The following PRMT8 variants were observed in gnomAD, a reference collection of about 807,000 sequenced individuals.
PRMT8 encodes the protein protein arginine N-methyltransferase 8.
A neutral mutation model predicts 47.1 loss-of-function variants in PRMT8; 7 were observed. The observed-to-expected ratio is 0.15, with a 90% CI of 0.08 to 0.28. PRMT8 has a LOEUF of 0.28. Ranked by LOEUF, PRMT8 falls within the 10% of genes least tolerant of loss-of-function variation. The pLI is 1.00. For missense variants in PRMT8, 237 were observed against 505.4 expected (o/e 0.47, Z 5.09); for synonymous variants, 188 against 186.5 (o/e 1.01, Z -0.07).
At chr12:3,434,621 C>G (rs1224180849) in intron 1 of PRMT8, among the ~76,000 whole-genome samples, 1 of 152,124 alleles carries the variant, frequency 6.6e-6, no homozygotes, top group Non-Finnish European at 1.5e-5. Context: ...AGAAGGAGCC[C>G]CCCAGAAAAT....
At chr12:3,451,851 CTTG>C in intron 1 of PRMT8, among the ~76,000 whole-genome samples, 1 of 152,174 alleles carries the variant, frequency 6.6e-6, no homozygotes, top group Non-Finnish European at 1.5e-5. Flanking sequence ...CAGTCATATC[CTTG>C]ATCCATTGTG....
chr12:3,553,799 G>A (rs71539446), intron 4 of PRMT8, 85 bp downstream of exon 4: 1 of 1,297,248 alleles, frequency 7.7e-7, no homozygotes, highest in South Asian at 1.2e-5. Flanking sequence ...AGCGGGAGGA[G>A]CGCAGAGCAC....
In PRMT8 at chr12:3,395,099, G is replaced by A. The variant is rs747558973; in HGVS notation, c.48+13657G>A. Among the ~76,000 whole-genome samples, 214 of 144,886 alleles carry A rather than the reference G, an allele frequency of 1.5e-3. 5 individuals carry two copies. The highest frequency in any genetic ancestry group is 1.8e-3 in the South Asian group (8 of 4,400). On this transcript the variant is annotated intron_variant, in intron 1 of 9. Transcript: ENST00000452611. Reference sequence around the variant, plus strand: ...TTATTGCGTCTATTTGATTCTTCTCGCTTTTTTTCTTTATTAGTCTTGCTA... The same window carrying A: ...TTATTGCGTCTATTTGATTCTTCTCACTTTTTTTCTTTATTAGTCTTGCTA...
At chr12:3,421,367 G>T (rs1319065381) in intron 1 of PRMT8, among the ~76,000 whole-genome samples, 1 of 152,192 alleles carries the variant, frequency 6.6e-6, no homozygotes, top group Non-Finnish European at 1.5e-5. Context: ...GCTTCACTTG[G>T]CAGAGCAGCA....
At chr12:3,425,992 C>T (rs1277372685) in intron 1 of PRMT8, among the ~76,000 whole-genome samples, 1 of 152,230 alleles carries the variant, frequency 6.6e-6, no homozygotes, top group East Asian at 1.9e-4. Context: ...ATGAAGTGAA[C>T]TTAATGTTGG....
At position 3,539,131 on chromosome 12, in the gene PRMT8, A is replaced by G. The variant is rs375246318; in HGVS notation, c.76-1475A>G. ...TCTGAGCTGACCCAGCTCACAGACA[A>G]GAAAATCGAGACATAGAACAAGGAC... On this transcript the variant is annotated intron_variant, in intron 1 of 9. Transcript: ENST00000382622. 3.3e-5 allele frequency among the ~76,000 whole-genome samples: 5 copies of G among 152,356 alleles called. No homozygotes were observed. The East Asian group carries it at 9.6e-4, about 29-fold the overall frequency.
At chr12:3,536,273 T>C (rs1006390329) in intron 1 of PRMT8, among the ~76,000 whole-genome samples, 4 of 152,192 alleles carry the variant, frequency 2.6e-5, no homozygotes, top group Admixed American at 2.6e-4. Flanking sequence ...GGTATGCCTG[T>C]CAGCCAATGG....
chr12:3,521,885 A>G (rs1865885527), intron 1 of PRMT8, among the ~76,000 whole-genome samples: 2 of 150,678 alleles, frequency 1.3e-5, no homozygotes, highest in African/African-American at 4.9e-5. Flanking sequence ...ATTATACCTA[A>G]ATTTGGCCTG....
chr12:3,401,154 A>G (rs1263193565), intron 1 of PRMT8, among the ~76,000 whole-genome samples: 1 of 150,954 alleles, frequency 6.6e-6, no homozygotes, highest in African/African-American at 2.4e-5. Flanking sequence ...TCTCAAAAAA[A>G]AAAAAAAAAA....
At chr12:3,529,977 G>A (rs1486525266) in intron 1 of PRMT8, among the ~76,000 whole-genome samples, 1 of 152,178 alleles carries the variant, frequency 6.6e-6, no homozygotes, top group Non-Finnish European at 1.5e-5. Context: ...TGTATTTGAA[G>A]CCACTTGTAG....
chr12:3,475,687 T>A (rs1865205264), intron 1 of PRMT8, among the ~76,000 whole-genome samples: 1 of 135,368 alleles, frequency 7.4e-6, no homozygotes, highest in African/African-American at 2.7e-5. Flanking sequence ...TGCAGATAGC[T>A]CCCCATTCCT....
chr12:3,533,217 C>G (rs1043168385), intron 1 of PRMT8, among the ~76,000 whole-genome samples: 5 of 152,200 alleles, frequency 3.3e-5, no homozygotes, highest in African/African-American at 9.7e-5. Flanking sequence ...TGGAGAGCGT[C>G]TGTGCCTACG....
chr12:3,524,272 T>C (rs1865921081), intron 1 of PRMT8, among the ~76,000 whole-genome samples: 2 of 149,840 alleles, frequency 1.3e-5, no homozygotes, highest in South Asian at 4.3e-4. Flanking sequence ...ACAATAAGAG[T>C]AAAAAGAAAA....
At chr12:3,416,382 C>CA (rs1864484054) in intron 1 of PRMT8, among the ~76,000 whole-genome samples, 1 of 152,214 alleles carries the variant, frequency 6.6e-6, no homozygotes, top group African/African-American at 2.4e-5. Context: ...GAGGATCCTC[C>CA]AGGCTTTGCA....
At chr12:3,558,942 T>G (rs1866576991) in intron 4 of PRMT8, among the ~76,000 whole-genome samples, 1 of 126,618 alleles carries the variant, frequency 7.9e-6, no homozygotes, top group Non-Finnish European at 1.6e-5. Context: ...AAACTAACAT[T>G]TATCTGTCTA....
At chr12:3,397,558 G>A (rs1864267544) in intron 1 of PRMT8, among the ~76,000 whole-genome samples, 2 of 151,556 alleles carry the variant, frequency 1.3e-5, no homozygotes, top group African/African-American at 2.4e-5. Context: ...TGAGGAGGCA[G>A]TCTGCCCGTT....
chr12:3,485,658 C>G (rs1865316199), intron 1 of PRMT8, among the ~76,000 whole-genome samples: 1 of 152,120 alleles, frequency 6.6e-6, no homozygotes. Context: ...CCATTATACA[C>G]TGTTTAATGA....
chr12:3,426,525 C>T (rs1456953356), intron 1 of PRMT8, among the ~76,000 whole-genome samples: 1 of 152,104 alleles, frequency 6.6e-6, no homozygotes, highest in Non-Finnish European at 1.5e-5. Context: ...TACTAATGCC[C>T]AGTCTGAGGA....
In PRMT8 at chr12:3,456,900, G is replaced by A. The variant is rs573191211; in HGVS notation, c.48+75458G>A. Among the ~76,000 whole-genome samples the A allele has an allele frequency of 2.6e-5, 4 of 152,168 alleles. No individual in the cohort carries two copies. Among genetic ancestry groups the A allele is most frequent in the Non-Finnish European group, 2.9e-5 (2 of 68,034 alleles). On this transcript the variant is annotated intron_variant, in intron 1 of 9. Transcript: ENST00000452611. The surrounding 1 kb of genome is among the most constrained non-coding windows in gnomAD (Gnocchi z 4.2). ...GGCTTTAAACACAGAGGACAGGTGC[G>A]TCTTTTCTTGCTGTGGCTGACGTCC...
Sources: gnomAD v4.1 joint callset for allele counts (sites outside exome capture counted in the v4.1 genomes callset) on GRCh38, gnomAD v4.1.1 for gene constraint, Gnocchi (gnomAD v3.1) non-coding constraint, MANE v1.5 for transcripts, NCBI Gene and HGNC (gene_info 2026-07-23, HGNC 2026-07-21) for gene names.